Variants in KIF1A observed in about 807,000 individuals in gnomAD.
KIF1A encodes the protein kinesin-like protein KIF1A.
KIF1A carries 46 observed loss-of-function variants against 227.3 expected under a neutral mutation model. That is an observed-to-expected ratio of 0.20 (90% CI 0.16 to 0.26). KIF1A has a LOEUF of 0.26. KIF1A is among the 10% of genes least tolerant of loss of function. KIF1A has a pLI of 1.00. For synonymous variants in KIF1A, 1,022 were observed against 1,012.8 expected, an observed-to-expected ratio of 1.01 and a Z score of -0.17; for missense variants, 1,683 against 2,485.9, an observed-to-expected ratio of 0.68 and a Z score of 6.87.
chr2:240,813,569 C>T (rs1490440116), intron 1 of KIF1A, among the ~76,000 whole-genome samples: 1 of 152,152 alleles, frequency 6.6e-6, no homozygotes, highest in African/African-American at 2.4e-5. Flanking sequence ...CTTCAGTGAG[C>T]TGAAGAATGC....
chr2:240,787,408 C>T (rs900276340), intron 4 of KIF1A, 92 bp from the exon 5 acceptor site: 31 of 1,095,188 alleles, frequency 2.8e-5, no homozygotes, highest in East Asian at 1.7e-4. Context: ...CTGTGCCAGG[C>T]GGGATCCACC....
rs546353534 is a variant in KIF1A at position 240,788,568 on chromosome 2, T to C, written c.184-338A>G. Reference sequence around the variant, plus strand: ...AAGCAGGGGTGACAAGAGCTGAGACTGGGGACAGGGTGCAAAGGCCCAGAG... The same window carrying C: ...AAGCAGGGGTGACAAGAGCTGAGACCGGGGACAGGGTGCAAAGGCCCAGAG... On this transcript the variant is annotated intron_variant, in intron 3 of 48. Transcript: ENST00000498729. This position sits in a 1 kb window ranked among gnomAD's most constrained non-coding sequence, Gnocchi z 6.6. Among the ~76,000 whole-genome samples the C allele has an allele frequency of 6.6e-6, 1 of 152,100 alleles. No homozygotes were observed. Among genetic ancestry groups the C allele is most frequent in the Admixed American group, 6.5e-5 (1 of 15,272 alleles).
Position 240,722,482 on chromosome 2 carries a change from C to A in KIF1A, c.4639G>T (p.Glu1547Ter). The stretch of plus-strand genomic sequence containing the variant: ...TTGACGGCCAGCTCCCGCTGCCTCT[C>A]GTTGGGAGCCTCCAGGGGTGATGGG... ...GRPSPLEAPN[E>*]RQRELAVKCL... Residue 1547 changes from glutamate to a stop codon, truncating the protein, a stop_gained, in exon 43 of 49, where the codon GAG (glutamate) becomes TAG (stop). Transcript: ENST00000498729. LOFTEE classifies it high-confidence loss of function. The A allele has an allele frequency of 6.5e-7, 1 of 1,547,284 alleles. No homozygotes were observed.
Position 240,801,309 on chromosome 2 carries a change from A to AT in KIF1A, c.-60-3498dup, listed in dbSNP as rs1297928085. 2.6e-5 allele frequency among the ~76,000 whole-genome samples: 3 copies of AT among 113,310 alleles called. 1 individual carries two copies. Among genetic ancestry groups the AT allele is most frequent in the Admixed American group, 7.9e-5 (1 of 12,632 alleles). The allele number at this position is 113,310 out of a possible 152,430, so 74.3% of individuals were successfully genotyped here. ...GAATTTTTCCAGAGGACTGGAAACTATAAAAAAAAAAATCAAATGGAAATG... is the reference window on the plus strand; with the variant it reads ...GAATTTTTCCAGAGGACTGGAAACTATTAAAAAAAAAAATCAAATGGAAATG... On this transcript the variant is annotated intron_variant, in intron 1 of 48. Transcript: ENST00000498729.
Position 240,726,837 on chromosome 2 carries a change from C to A in KIF1A, c.4111G>T (p.Ala1371Ser), listed in dbSNP as rs751798253. ...CATAGGTGCCTTGCCTCGATATAAG[C>A]GGAGAGTGTCATGTAGATTTTCTCT... ...YREKIYMTLS[A>S]YIEMENCTQP... Residue 1371 changes from alanine (A) to serine (S), a missense_variant, in exon 39 of 49, where the codon GCT becomes TCT. By Grantham distance (99) the Ala-to-Ser change is moderately conservative. Transcript: ENST00000498729. This position sits in a 1 kb window ranked among gnomAD's most constrained non-coding sequence, Gnocchi z 5.2. 5 of 1,606,544 alleles carry A rather than the reference C, an allele frequency of 3.1e-6. No individual in the cohort carries two copies. The highest frequency in any genetic ancestry group is 2.2e-5 in the East Asian group (1 of 44,784).
intron 1 of KIF1A, among the ~76,000 whole-genome samples, chr2:240,808,399 C>G (rs2057592859): frequency 6.6e-6 from 1 of 152,110 alleles, no homozygotes; most frequent in Non-Finnish European, 1.5e-5. Context: ...TGGCTCACAC[C>G]TGTAGTCCCA....
At chr2:240,744,774 C>T (rs1296960256) in intron 32 of KIF1A, among the ~76,000 whole-genome samples, 2 of 152,320 alleles carry the variant, frequency 1.3e-5, no homozygotes, top group South Asian at 2.1e-4. Flanking sequence ...ACCTGTGGTG[C>T]TTTGTGACAG....
Position 240,746,071 on chromosome 2 carries a change from G to T in KIF1A, c.3170C>A (p.Ser1057Ter). ...GQGQGADVGP[S>*]ADEVNNNTCS... ...GGTGTTGTTGTTGACTTCATCGGCT[G>T]AGGGCCCCACGTCTGCACCCTGGCC... Residue 1057 changes from serine (S) to a stop codon, truncating the protein, a stop_gained, in exon 30 of 49, where the codon TCA becomes TAA. Transcript: ENST00000498729. LOFTEE classifies it high-confidence loss of function. 1 of 1,603,182 alleles carries T rather than the reference G, an allele frequency of 6.2e-7. No individual in the cohort carries two copies.
intron 32 of KIF1A, among the ~76,000 whole-genome samples, chr2:240,744,816 A>G (rs1365248352): frequency 6.6e-6 from 1 of 152,214 alleles, no homozygotes; most frequent in Non-Finnish European, 1.5e-5. Context: ...CTGAGTCTCC[A>G]GGTTATCACC....
At position 240,775,411 on chromosome 2, in the gene KIF1A, C is replaced by G. The variant is rs1559517514; in HGVS notation, c.958+440G>C. 1.3e-5 allele frequency among the ~76,000 whole-genome samples: 2 copies of G among 152,304 alleles called. No homozygotes were observed. Among genetic ancestry groups the G allele is most frequent in the Non-Finnish European group, 2.9e-5 (2 of 68,020 alleles). On this transcript the variant is annotated intron_variant, in intron 11 of 48. Coordinates refer to ENST00000498729, the MANE Select transcript of KIF1A (RefSeq NM_001244008.2). This position sits in a 1 kb window ranked among gnomAD's most constrained non-coding sequence, Gnocchi z 5.5. The stretch of plus-strand genomic sequence containing the variant: ...GGGTGCATTTCAATTCCCACCTCCC[C>G]GTCTAAGTCTCACTGCTCAGAACTC...
In KIF1A at chr2:240,780,806, ACACACACACACACACACACAGCTC is replaced by A. The variant is rs1559522449; in HGVS notation, c.882+1760_882+1783del. The stretch of plus-strand genomic sequence containing the variant: ...CACACACACACACAGCTCCACACAC[ACACACACACACACACACACAGCTC>A]CACACACACACACAGCTCCACACAC... On this transcript the variant is annotated intron_variant, in intron 10 of 48. Coordinates refer to ENST00000498729, the MANE Select transcript of KIF1A (RefSeq NM_001244008.2). Among the ~76,000 whole-genome samples, 123 of 87,068 alleles carry A rather than the reference ACACACACACACACACACACAGCTC, an allele frequency of 1.4e-3. 4 individuals are homozygous for A. The highest frequency in any genetic ancestry group is 8.6e-3 in the African/African-American group (116 of 13,462). The allele number at this position is 87,068 out of a possible 152,430, so 57.1% of individuals were successfully genotyped here.
chr2:240,750,589 C>G lies in KIF1A; in HGVS notation c.2859-42G>C, dbSNP rs765282074. 47 of 1,431,248 alleles carry G rather than the reference C, an allele frequency of 3.3e-5. No homozygotes were observed. The South Asian group carries it at 5.1e-4, about 16-fold the overall frequency. 88.7% of individuals were successfully genotyped at this position (1,431,248 alleles called of 1,614,324 possible). ...GCGGCGGTCATGGGCCACCCCTCCA[C>G]GCATGTTCTGAACGGCAGCGGTGGC... On this transcript the variant is annotated intron_variant, in intron 27 of 48. Transcript: ENST00000498729.
In KIF1A at chr2:240,772,555, A is replaced by C; in HGVS notation, c.1207+15T>G. ...TGGAAGCAGAGATGCAGAGAGCAGC[A>C]AAGGGAATACACACATTTGGGTCCT... On this transcript the variant is annotated intron_variant, in intron 14 of 48. Transcript: ENST00000498729. The C allele has an allele frequency of 1.3e-6, 2 of 1,547,990 alleles. No homozygotes were observed. Among genetic ancestry groups the C allele is most frequent in the Non-Finnish European group, 1.7e-6 (2 of 1,144,704 alleles).
intron 1 of KIF1A, among the ~76,000 whole-genome samples, chr2:240,817,932 G>C (rs6725635): frequency 0.48 from 72,702 of 152,158 alleles, 18,003 homozygotes; most frequent in East Asian, 0.63. Flanking sequence ...TTTTAATCCT[G>C]ATCCAGCCAA....
chr2:240,772,441 C>A (rs570804659), intron 14 of KIF1A, 129 bp downstream of exon 14: 9 of 738,648 alleles, frequency 1.2e-5, no homozygotes, highest in Non-Finnish European at 1.6e-5. Flanking sequence ...TGCTTTCTGC[C>A]CCCCAAAAAG....
Position 240,775,906 on chromosome 2 carries a change from T to C in KIF1A, c.903A>G (p.Thr301=). The part of the protein sequence containing the change: ...GPNKNKKKKK[T]DFIPYRDSVL... ...CGGAATCTCGGTACGGAATGAAATCTGTCTTCTTCTTTTTCTTGTTCTGTG... is the reference window on the plus strand; with the variant it reads ...CGGAATCTCGGTACGGAATGAAATCCGTCTTCTTCTTTTTCTTGTTCTGTG... Residue 301 remains threonine (T), a synonymous_variant, in exon 11 of 49, where the codon ACA becomes ACG. Transcript: ENST00000498729. The surrounding 1 kb of genome is among the most constrained non-coding windows in gnomAD (Gnocchi z 5.5). The C allele has an allele frequency of 6.2e-7, 1 of 1,611,180 alleles. No individual in the cohort carries two copies. Among genetic ancestry groups the C allele is most frequent in the Non-Finnish European group, 8.5e-7 (1 of 1,177,278 alleles).
Position 240,744,032 on chromosome 2 carries a change from A to T in KIF1A, c.3494T>A (p.Ile1165Asn), listed in dbSNP as rs35698242. The T allele has an allele frequency of 6.2e-6, 10 of 1,613,698 alleles. No individual in the cohort carries two copies. Among genetic ancestry groups the T allele is most frequent in the Non-Finnish European group, 8.5e-6 (10 of 1,179,696 alleles). Residue 1165 changes from isoleucine to asparagine, a missense_variant, in exon 33 of 49, where the codon ATT (isoleucine) becomes AAT (asparagine). By Grantham distance (149) the Ile-to-Asn change is moderately radical. This residue lies in a region of KIF1A where 759 missense variants were observed against 1,020.2 expected (regional missense o/e 0.74). Transcript: ENST00000498729. ...AATGGGCTGGCTCTTGATGTACTCA[A>T]TGAAGGACTTGGTCACCTCCACTGC... ...NIAVEVTKSF[I>N]EYIKSQPIVF...
chr2:240,747,357 C>A, intron 28 of KIF1A, 36 bp from the exon 29 acceptor site: 1 of 1,573,628 alleles, frequency 6.4e-7, no homozygotes, highest in Non-Finnish European at 8.7e-7. Context: ...TGGAGCCCAG[C>A]TTGTCCCCTG....
intron 37 of KIF1A, among the ~76,000 whole-genome samples, chr2:240,738,034 G>GCCCTT (rs2047552068): frequency 6.6e-6 from 1 of 152,190 alleles, no homozygotes; most frequent in Admixed American, 6.5e-5. Flanking sequence ...CCAGCAAAGT[G>GCCCTT]CCCTTCCCCA....
Sources: gnomAD v4.1 joint callset for allele counts (sites outside exome capture counted in the v4.1 genomes callset) on GRCh38, gnomAD v4.1.1 for gene constraint, gnomAD v4.1.1 regional missense constraint, Gnocchi (gnomAD v3.1) non-coding constraint, MANE v1.5 for transcripts, NCBI Gene and HGNC (gene_info 2026-07-23, HGNC 2026-07-21) for gene names.